Variants in SUSD4 observed in about 807,000 individuals in gnomAD.
SUSD4 encodes sushi domain containing 4.
SUSD4 carries 41 observed loss-of-function variants against 50.5 expected under a neutral mutation model. The ratio of observed to expected loss-of-function variants is 0.81; its 90% CI spans 0.63 to 1.05. The LOEUF (loss-of-function observed/expected upper bound fraction) is 1.05. Ranked by LOEUF, SUSD4 falls within the 50% of genes least tolerant of loss-of-function variation. The pLI is 0.00. For synonymous variants in SUSD4, 257 were observed against 257.3 expected (o/e 1.00, Z 0.01); for missense variants, 580 against 634.7 (o/e 0.91, Z 0.93).
chr1:223,294,543 C>T (rs1315539307), intron 2 of SUSD4, among the ~76,000 whole-genome samples: 1 of 152,206 alleles, frequency 6.6e-6, no homozygotes, highest in African/African-American at 2.4e-5. Flanking sequence ...CCACACAGCA[C>T]AGGAGGCATG....
At chr1:223,265,523 A>G (rs1662432157) in intron 4 of SUSD4, among the ~76,000 whole-genome samples, 1 of 152,184 alleles carries the variant, frequency 6.6e-6, no homozygotes, top group African/African-American at 2.4e-5. Flanking sequence ...CACTGCCAAC[A>G]TCCAGGCACT....
At chr1:223,281,330 TAG>T (rs1381949765) in intron 3 of SUSD4, among the ~76,000 whole-genome samples, 1 of 152,066 alleles carries the variant, frequency 6.6e-6, no homozygotes, top group Admixed American at 6.5e-5. Context: ...ACAAAATTCA[TAG>T]ACTGCTAGCA....
chr1:223,339,118 GA>G (rs1427915750), intron 2 of SUSD4, among the ~76,000 whole-genome samples: 1 of 152,200 alleles, frequency 6.6e-6, no homozygotes, highest in Non-Finnish European at 1.5e-5. Context: ...GCAGTCACAG[GA>G]GGAGACCGTT....
intron 2 of SUSD4, among the ~76,000 whole-genome samples, chr1:223,334,301 G>A (rs1174670108): frequency 2.6e-5 from 4 of 151,714 alleles, no homozygotes; most frequent in African/African-American, 9.7e-5. Flanking sequence ...AAATCCCTCA[G>A]AAAAGACAGC....
intron 2 of SUSD4, among the ~76,000 whole-genome samples, chr1:223,359,495 T>C (rs1668849329): frequency 6.6e-6 from 1 of 152,218 alleles, no homozygotes; most frequent in Non-Finnish European, 1.5e-5. Flanking sequence ...CTACCATTAA[T>C]TGGATGTGGC....
intron 2 of SUSD4, among the ~76,000 whole-genome samples, chr1:223,304,615 A>G (rs1665402961): frequency 6.6e-6 from 1 of 151,348 alleles, no homozygotes; most frequent in African/African-American, 2.4e-5. Context: ...GAAAAACACT[A>G]CTTTCAATAC....
chr1:223,232,853 T>C (rs1382657902), intron 5 of SUSD4, among the ~76,000 whole-genome samples: 1 of 152,216 alleles, frequency 6.6e-6, no homozygotes, highest in Non-Finnish European at 1.5e-5. Context: ...GGTCTTAGCT[T>C]TCCCATCTGT....
At chr1:223,250,133 T>G (rs1346824085) in intron 5 of SUSD4, among the ~76,000 whole-genome samples, 1 of 152,262 alleles carries the variant, frequency 6.6e-6, no homozygotes, top group Non-Finnish European at 1.5e-5. Context: ...TTCATTTTCA[T>G]TCATTTTACT....
chr1:223,226,516 G>A (rs972702189), intron 7 of SUSD4, among the ~76,000 whole-genome samples: 16 of 152,338 alleles, frequency 1.1e-4, no homozygotes, highest in African/African-American at 2.6e-4. Flanking sequence ...GGGCAAAGGC[G>A]GGTAGGTGCT....
chr1:223,281,522 C>T lies in SUSD4; in HGVS notation c.361+10917G>A, dbSNP rs548545422. Reference sequence around the variant, plus strand: ...ATAAATTCCTCGACACATACACTCTCCCAAGACTAAACCAGGAAGAAGTTT... The same window carrying T: ...ATAAATTCCTCGACACATACACTCTTCCAAGACTAAACCAGGAAGAAGTTT... On this transcript the variant is annotated intron_variant, in intron 3 of 8. Coordinates refer to ENST00000366878, the MANE Select transcript of SUSD4 (RefSeq NM_017982.4). Among the ~76,000 whole-genome samples the T allele has an allele frequency of 1.1e-4, 17 of 152,306 alleles. No homozygotes were observed. The South Asian group carries it at 3.5e-3, about 32-fold the overall frequency.
intron 3 of SUSD4, among the ~76,000 whole-genome samples, chr1:223,291,365 C>T (rs902000867): frequency 3.3e-5 from 5 of 151,344 alleles, no homozygotes; most frequent in Admixed American, 3.3e-4. Flanking sequence ...TGGTGGCGAA[C>T]GCAGGTAGTC....
At chr1:223,351,794 T>C (rs559343365) in intron 2 of SUSD4, among the ~76,000 whole-genome samples, 19 of 151,730 alleles carry the variant, frequency 1.3e-4, no homozygotes, top group African/African-American at 4.6e-4. Context: ...TATGAAAGTG[T>C]GTGTATCTTA....
intron 5 of SUSD4, among the ~76,000 whole-genome samples, chr1:223,252,232 A>T (rs1341169762): frequency 0.07 from 4,551 of 65,360 alleles, 84 homozygotes; most frequent in Non-Finnish European, 0.09. Flanking sequence ...AAAAAAAAAA[A>T]AAAAATATAT....
chr1:223,263,870 G>A (rs916078026), intron 5 of SUSD4: 1 of 985,322 alleles, frequency 1.0e-6, no homozygotes, highest in African/African-American at 1.7e-5. Flanking sequence ...CTCCTGACTT[G>A]AGGTTTCTTC....
rs562856810 is a variant in SUSD4, at chr1:223,221,837, G to A, written c.*355C>T. On this transcript the variant is annotated 3_prime_UTR_variant, in exon 9 of 9. Coordinates refer to ENST00000366878, the MANE Select transcript of SUSD4 (RefSeq NM_017982.4). ...GATGTGACATGCTTTCAGAGGGGGC[G>A]GGGAGTACTTGCCAGTCAATGGGAT... 2 of 222,426 alleles carry A rather than the reference G, an allele frequency of 9.0e-6. No individual in the cohort carries two copies. The highest frequency in any genetic ancestry group is 3.4e-4 in the South Asian group (2 of 5,904). The allele number at this position is 222,426 out of a possible 1,614,324, so 13.8% of individuals were successfully genotyped here. A position where few individuals can be genotyped will look rare whatever the true frequency, so the allele number is the denominator to read the frequency against.
intron 7 of SUSD4, among the ~76,000 whole-genome samples, chr1:223,225,521 G>T (rs531284771): frequency 9.1e-4 from 138 of 152,136 alleles, no homozygotes; most frequent in African/African-American, 2.7e-3. Context: ...GAGGAAAGGA[G>T]GAGCTTGCTC....
intron 8 of SUSD4, among the ~76,000 whole-genome samples, 194 bp downstream of exon 8, chr1:223,223,055 T>G (rs560329993): frequency 6.6e-6 from 1 of 152,338 alleles, no homozygotes; most frequent in East Asian, 1.9e-4. Flanking sequence ...TGATGATCAT[T>G]CCCTACAATA....
intron 5 of SUSD4, among the ~76,000 whole-genome samples, chr1:223,240,427 A>G (rs771773057): frequency 3.3e-5 from 5 of 151,212 alleles, no homozygotes; most frequent in African/African-American, 4.9e-5. Context: ...TCCATTACAC[A>G]TATGTTTCAC....
intron 2 of SUSD4, among the ~76,000 whole-genome samples, chr1:223,318,969 G>T (rs1458393224): frequency 1.4e-5 from 1 of 70,582 alleles, no homozygotes; most frequent in Non-Finnish European, 2.8e-5. Context: ...TAGATCAATG[G>T]AACAGAACAG....
Sources: allele counts gnomAD v4.1 joint callset (sites outside exome capture counted in the v4.1 genomes callset), GRCh38; gene constraint gnomAD v4.1.1; transcripts MANE v1.5; gene names NCBI Gene and HGNC (gene_info 2026-07-23, HGNC 2026-07-21).